The following ENTREP2 variants were observed in gnomAD, a reference collection of about 807,000 sequenced individuals.
ENTREP2 encodes the protein protein ENTREP2.
At chr15:29,544,124 C>A in the ENTREP2 span, among the ~76,000 whole-genome samples, 1 of 151,914 alleles carries the variant, frequency 6.6e-6, no homozygotes, top group Non-Finnish European at 1.5e-5. Flanking sequence ...TGCTACATGG[C>A]CCTTTAAGGC....
At chr15:29,269,498 G>A in the ENTREP2 span, 1 of 1,607,278 alleles carries the variant, frequency 6.2e-7, no homozygotes, top group Non-Finnish European at 8.5e-7. Context: ...GCCTGGGCCC[G>A]GCGGGCGCCC....
chr15:29,212,622 A>C, the ENTREP2 span, among the ~76,000 whole-genome samples: 4 of 152,118 alleles, frequency 2.6e-5, no homozygotes, highest in Non-Finnish European at 5.9e-5. Flanking sequence ...GCAGGCGTTT[A>C]GGGCTATGAA....
chr15:29,498,693 C>T, the ENTREP2 span, among the ~76,000 whole-genome samples: 9 of 152,146 alleles, frequency 5.9e-5, no homozygotes, highest in African/African-American at 4.8e-5. Flanking sequence ...AGTGTAAAAT[C>T]TAATGTTTCC....
At chr15:29,159,153 G>A in the ENTREP2 span, among the ~76,000 whole-genome samples, 189 of 152,220 alleles carry the variant, frequency 1.2e-3, 2 homozygotes, top group East Asian at 0.027. Flanking sequence ...CGTGTCTGGA[G>A]TCTGTTCGTT....
the ENTREP2 span, among the ~76,000 whole-genome samples, chr15:29,554,783 G>A: frequency 6.6e-6 from 1 of 152,124 alleles, no homozygotes; most frequent in African/African-American, 2.4e-5. Context: ...TTTTGCAAAC[G>A]GTTCAGCCTG....
the ENTREP2 span, among the ~76,000 whole-genome samples, chr15:29,263,758 C>G: frequency 1.3e-5 from 2 of 152,154 alleles, no homozygotes; most frequent in South Asian, 4.1e-4. Context: ...TTCCCATAGG[C>G]ATGAGCAAAC....
At chr15:29,329,860 GTAAA>G in the ENTREP2 span, among the ~76,000 whole-genome samples, 1 of 152,144 alleles carries the variant, frequency 6.6e-6, no homozygotes, top group Admixed American at 6.5e-5. Flanking sequence ...GAACACACAA[GTAAA>G]TAAATAGTAA....
At chr15:29,429,070 C>T in the ENTREP2 span, among the ~76,000 whole-genome samples, 9 of 152,196 alleles carry the variant, frequency 5.9e-5, no homozygotes, top group African/African-American at 2.2e-4. Flanking sequence ...TATCTATCTG[C>T]CTATCTGTCT....
At chr15:29,612,359 G>C in the ENTREP2 span, among the ~76,000 whole-genome samples, 1 of 152,164 alleles carries the variant, frequency 6.6e-6, no homozygotes, top group Admixed American at 6.5e-5. Context: ...CTAGAGAGGA[G>C]ATGACGGCGT....
the ENTREP2 span, among the ~76,000 whole-genome samples, chr15:29,553,836 C>T: frequency 6.6e-6 from 1 of 152,200 alleles, no homozygotes; most frequent in African/African-American, 2.4e-5. Context: ...GTCGAGTCCT[C>T]AGATGAGTTA....
the ENTREP2 span, chr15:29,381,712 T>TG: frequency 7.2e-7 from 1 of 1,393,198 alleles, no homozygotes; most frequent in African/African-American, 1.4e-5. Flanking sequence ...GCCTCCAACC[T>TG]GCTCACGCAT....
the ENTREP2 span, among the ~76,000 whole-genome samples, chr15:29,324,954 G>C: frequency 0.65 from 98,265 of 151,956 alleles, 32,634 homozygotes; most frequent in African/African-American, 0.81. Flanking sequence ...GAGAACACAC[G>C]TAGACAAATT....
the ENTREP2 span, among the ~76,000 whole-genome samples, chr15:29,555,246 C>G: frequency 6.6e-6 from 1 of 152,136 alleles, no homozygotes; most frequent in East Asian, 1.9e-4. Flanking sequence ...TGGTACCTCT[C>G]CGTAGCACCT....
At chr15:29,661,548 T>A in the ENTREP2 span, among the ~76,000 whole-genome samples, 1 of 152,226 alleles carries the variant, frequency 6.6e-6, no homozygotes, top group African/African-American at 2.4e-5. Context: ...CACTGTGTTT[T>A]AATTCAGCTG....
the ENTREP2 span, among the ~76,000 whole-genome samples, chr15:29,640,422 C>A: frequency 6.6e-6 from 1 of 152,228 alleles, no homozygotes; most frequent in African/African-American, 2.4e-5. Context: ...CTTTGGAAGG[C>A]TGAGGTGGGT....
chr15:29,122,706 G>T, the ENTREP2 span: 90 of 152,380 alleles, frequency 5.9e-4, no homozygotes, highest in African/African-American at 2.0e-3. Context: ...TGTTCCCTGG[G>T]GGGGGCCGGG....
the ENTREP2 span, among the ~76,000 whole-genome samples, chr15:29,210,518 C>T: frequency 7.9e-5 from 12 of 152,298 alleles, no homozygotes; most frequent in South Asian, 2.1e-4. Flanking sequence ...CATAGGAGCG[C>T]GATTCCTATT....
At chr15:29,453,506 C>A in the ENTREP2 span, among the ~76,000 whole-genome samples, 1 of 152,230 alleles carries the variant, frequency 6.6e-6, no homozygotes, top group Non-Finnish European at 1.5e-5. Flanking sequence ...GCTAGCTTTG[C>A]CCCAGCAAAT....
the ENTREP2 span, among the ~76,000 whole-genome samples, chr15:29,129,276 G>A: frequency 6.6e-6 from 1 of 152,058 alleles, no homozygotes; most frequent in African/African-American, 2.4e-5. Context: ...TCTTGGCCAG[G>A]CTGGTCTCAA....
Sources: gnomAD v4.1 joint callset for allele counts (sites outside exome capture counted in the v4.1 genomes callset) on GRCh38, gnomAD v4.1.1 for gene constraint, MANE v1.5 for transcripts, NCBI Gene and HGNC (gene_info 2026-07-23, HGNC 2026-07-21) for gene names.